The following SDHD variants were observed in gnomAD, a reference collection of about 807,000 sequenced individuals.
The protein encoded by SDHD is succinate dehydrogenase [ubiquinone] cytochrome b small subunit, mitochondrial.
In SDHD, 6 loss-of-function variants were observed where a neutral mutation model predicts 18.7. The ratio of observed to expected loss-of-function variants is 0.32; its 90% CI spans 0.18 to 0.63. SDHD has a LOEUF of 0.63. Ranked by LOEUF, SDHD falls within the 30% of genes least tolerant of loss-of-function variation. The pLI is 0.79. For synonymous variants in SDHD, 56 were observed against 73.9 expected (o/e 0.76, Z 1.24); for missense variants, 160 against 192.7 (o/e 0.83, Z 1.00).
At chr11:112,088,092 A>C (rs754208981) in intron 2 of SDHD, 119 bp downstream of exon 2, 41 of 791,022 alleles carry the variant, frequency 5.2e-5, no homozygotes, top group Non-Finnish European at 8.4e-5. Context: ...AACTTTGTCA[A>C]ATGAAGACCT....
chr11:112,088,159 A>G, intron 2 of SDHD, 186 bp downstream of exon 2: 2 of 681,848 alleles, frequency 2.9e-6, no homozygotes, highest in East Asian at 2.6e-5. Flanking sequence ...ATTTATAATC[A>G]TAGAAGACCT....
intron 3 of SDHD, chr11:112,091,034 A>C: frequency 2.4e-6 from 2 of 848,506 alleles, no homozygotes; most frequent in South Asian, 5.4e-5. Flanking sequence ...AGGACTGGTT[A>C]GGAGAATGAG....
Position 112,088,848 on chromosome 11 carries a change from A to G in SDHD, c.170-19A>G, listed in dbSNP as rs1296685617. 5 of 1,611,882 alleles carry G rather than the reference A, an allele frequency of 3.1e-6. No homozygotes were observed. In the African/African-American group the frequency reaches 4.0e-5, roughly 13 times the overall value. On this transcript the variant is annotated intron_variant, in intron 2 of 3. Transcript: ENST00000375549. ...TGTGTTTCTCACATCAACTTTTATG[A>G]ATCTGGTCCTTTTTGTAGCTGGCTC...
At chr11:112,093,220 C>T (rs1166990389) in intron 3 of SDHD, 6 of 313,276 alleles carry the variant, frequency 1.9e-5, no homozygotes, top group Non-Finnish European at 6.4e-6. Context: ...GCATGTGCCA[C>T]CACGCCTGGC....
chr11:112,090,464 C>A (rs1018363559), intron 3 of SDHD, among the ~76,000 whole-genome samples: 1 of 152,010 alleles, frequency 6.6e-6, no homozygotes, highest in Non-Finnish European at 1.5e-5. Context: ...ACGTAATGAA[C>A]CTTCTAAAAT....
chr11:112,087,307 A>G (rs961815110), intron 1 of SDHD, among the ~76,000 whole-genome samples: 1 of 152,028 alleles, frequency 6.6e-6, no homozygotes. Flanking sequence ...GAGCTTGCCC[A>G]TTTCTTCTGG....
chr11:112,094,782 T>TA (rs745544135), intron 3 of SDHD, 23 bp from the exon 4 acceptor site: 6 of 1,606,552 alleles, frequency 3.7e-6, no homozygotes, highest in Non-Finnish European at 5.1e-6. Flanking sequence ...TTATTGATGT[T>TA]ATGATTTTTT....
chr11:112,089,027 C>G lies in SDHD; in HGVS notation c.314+16C>G. On this transcript the variant is annotated intron_variant, in intron 3 of 3. Transcript: ENST00000375549. ...ATGGTCACTGGCAAGTATAGCAATT[C>G]CAAATATAGTTGTCTGCTCAGTTTG... 6.2e-7 allele frequency: 1 copy of G among 1,613,872 alleles called. No individual in the cohort carries two copies. The highest frequency in any genetic ancestry group is 1.1e-5 in the South Asian group (1 of 91,082).
chr11:112,090,254 G>A (rs1319380273), intron 3 of SDHD, among the ~76,000 whole-genome samples: 2 of 151,940 alleles, frequency 1.3e-5, no homozygotes, highest in Non-Finnish European at 2.9e-5. Context: ...GATTACAGGC[G>A]TGCACCACCA....
chr11:112,094,819 T>C lies in SDHD; in HGVS notation c.329T>C (p.Val110Ala). The C allele has an allele frequency of 6.2e-7, 1 of 1,612,032 alleles. No homozygotes were observed. The highest frequency in any genetic ancestry group is 8.5e-7 in the Non-Finnish European group (1 of 1,179,840). The change falls in exon 4 of 4, where the codon GTT (valine) becomes GCT (alanine). Residue 110 changes from valine (V) to alanine (A), a missense_variant. Coordinates refer to ENST00000375549, the MANE Select transcript of SDHD (RefSeq NM_003002.4). ...TLHGHWGLGQVVTDYVHGDAL... is the reference protein window; with the variant it reads ...TLHGHWGLGQAVTDYVHGDAL... ...TTTTTCTTTAGGGGCCTTGGACAAG[T>C]TGTTACTGACTATGTTCATGGGGAT...
At position 112,088,857 on chromosome 11, in the gene SDHD, C is replaced by G. The variant is rs952278127; in HGVS notation, c.170-10C>G. ...CACATCAACTTTTATGAATCTGGTC[C>G]TTTTTGTAGCTGGCTCCAAGGCTGC... On this transcript the variant is annotated splice_polypyrimidine_tract_variant and intron_variant, in intron 2 of 3. Transcript: ENST00000375549. 1.2e-6 allele frequency: 2 copies of G among 1,611,978 alleles called. No homozygotes were observed. Among genetic ancestry groups the G allele is most frequent in the South Asian group, 2.2e-5 (2 of 90,988 alleles).
At chr11:112,090,686 T>A (rs1455084372) in intron 3 of SDHD, among the ~76,000 whole-genome samples, 2 of 151,820 alleles carry the variant, frequency 1.3e-5, no homozygotes, top group African/African-American at 4.8e-5. Context: ...TTCTAGCTAG[T>A]GTTAAAGATT....
At position 112,087,963 on chromosome 11, in the gene SDHD, G is replaced by A. The variant is rs201368675; in HGVS notation, c.159G>A (p.Pro53=). The change falls in exon 2 of 4, where the codon CCG becomes CCA. Residue 53 remains proline, a synonymous_variant. Coordinates refer to ENST00000375549, the MANE Select transcript of SDHD (RefSeq NM_003002.4). ...GAGTGCAGCACATACACTTGTCACC[G>A]AGCCACCATTGTATGTTCTCTCCAT... ...WCGVQHIHLS[P]SHHSGSKAAS... 3.1e-6 allele frequency: 5 copies of A among 1,604,580 alleles called. No individual in the cohort carries two copies. Among genetic ancestry groups the A allele is most frequent in the East Asian group, 2.2e-5 (1 of 44,826 alleles).
chr11:112,094,771 T>C (rs1260413951), intron 3 of SDHD, 34 bp from the exon 4 acceptor site: 1 of 1,596,658 alleles, frequency 6.3e-7, no homozygotes, highest in Non-Finnish European at 8.6e-7. Flanking sequence ...ACTGTGGTTT[T>C]TTATTGATGT....
intron 2 of SDHD, 23 bp from the exon 3 acceptor site, chr11:112,088,844 T>A: frequency 6.2e-7 from 1 of 1,612,050 alleles, no homozygotes; most frequent in East Asian, 2.2e-5. Context: ...CATCAACTTT[T>A]ATGAATCTGG....
chr11:112,092,243 T>TA (rs1865758187), intron 3 of SDHD, among the ~76,000 whole-genome samples: 4 of 147,094 alleles, frequency 2.7e-5, no homozygotes, highest in Admixed American at 2.7e-4. Flanking sequence ...TCCCAGAACT[T>TA]AAAGTAAAAG....
Position 112,095,133 on chromosome 11 carries a change from A to G in SDHD, c.*163A>G. The G allele has an allele frequency of 1.5e-6, 1 of 685,624 alleles. No homozygotes were observed. The allele number at this position is 685,624 out of a possible 1,614,324, so 42.5% of individuals were successfully genotyped here. A position where few individuals can be genotyped will look rare whatever the true frequency, so the allele number is the denominator to read the frequency against. ...TTTTCAGAATTTAATCTTTGAGGAA[A>G]AGGTTTGAGAGGAATTATATCTAAG... On this transcript the variant is annotated 3_prime_UTR_variant, in exon 4 of 4. Coordinates refer to ENST00000375549, the MANE Select transcript of SDHD (RefSeq NM_003002.4).
At chr11:112,088,095 G>A in intron 2 of SDHD, 122 bp downstream of exon 2, 1 of 788,488 alleles carries the variant, frequency 1.3e-6, no homozygotes, top group Admixed American at 1.7e-5. Context: ...TTTGTCAAAT[G>A]AAGACCTAGT....
intron 3 of SDHD, among the ~76,000 whole-genome samples, chr11:112,089,575 G>T (rs570376756): frequency 6.6e-6 from 1 of 152,024 alleles, no homozygotes; most frequent in Non-Finnish European, 1.5e-5. Flanking sequence ...ATTTTTAGCT[G>T]CTCTCTCTCT....
Sources: allele counts gnomAD v4.1 joint callset (sites outside exome capture counted in the v4.1 genomes callset), GRCh38; gene constraint gnomAD v4.1.1; transcripts MANE v1.5; gene names NCBI Gene and HGNC (gene_info 2026-07-23, HGNC 2026-07-21).